The following DNAH2 variants were observed in gnomAD, a reference collection of about 807,000 sequenced individuals.
The protein encoded by DNAH2 is axonemal beta dynein heavy chain 2.
In DNAH2, 323 loss-of-function variants were observed where a neutral mutation model predicts 523.5. The ratio of observed to expected loss-of-function variants is 0.62; its 90% confidence interval spans 0.56 to 0.68. The LOEUF (loss-of-function observed/expected upper bound fraction) is 0.68. DNAH2 is among the 30% of genes least tolerant of loss of function. The pLI is 0.00. For missense variants in DNAH2, 4,907 were observed against 5,701.5 expected, an observed-to-expected ratio of 0.86 and a Z score of 4.49; for synonymous variants, 2,093 against 2,177.4, an observed-to-expected ratio of 0.96 and a Z score of 1.08.
chr17:7,824,079 C>T (rs767212182), intron 75 of DNAH2, 42 bp from the exon 76 acceptor site: 1 of 1,569,550 alleles, frequency 6.4e-7, no homozygotes, highest in Non-Finnish European at 8.6e-7. Flanking sequence ...CCACTTTGGT[C>T]ATGTGGCCTT....
chr17:7,734,342 GA>G (rs1555537570), intron 6 of DNAH2, 49 bp downstream of exon 6: 4 of 1,605,786 alleles, frequency 2.5e-6, no homozygotes, highest in Non-Finnish European at 3.4e-6. Flanking sequence ...AGGGGAGAGG[GA>G]AAGGGGAGGC....
chr17:7,790,371 C>T (rs1433334275), intron 44 of DNAH2, among the ~76,000 whole-genome samples: 4 of 151,710 alleles, frequency 2.6e-5, no homozygotes, highest in Admixed American at 6.6e-5. Context: ...CGCAGGCGTG[C>T]GCCATCACAC....
Position 7,801,728 on chromosome 17 carries a change from A to G in DNAH2, c.8832+18A>G. ...AGGAGAATGTGAGCCCCTCCTCCCC[A>G]CCTCTCATTGCATCCCTGGCCTCCC... On this transcript the variant is annotated intron_variant, in intron 57 of 85. Transcript: ENST00000572933. The G allele has an allele frequency of 1.2e-6, 2 of 1,611,228 alleles. No homozygotes were observed. The highest frequency in any genetic ancestry group is 1.7e-6 in the Non-Finnish European group (2 of 1,179,016).
At position 7,733,475 on chromosome 17, in the gene DNAH2, CT is replaced by C. The variant is rs1199721840; in HGVS notation, c.628+180del. 6.3e-3 allele frequency among the ~76,000 whole-genome samples: 720 copies of C among 113,858 alleles called. 2 individuals carry two copies. The highest frequency in any genetic ancestry group is 0.014 in the African/African-American group (442 of 30,912). 74.7% of individuals were successfully genotyped at this position (113,858 alleles called of 152,430 possible). On this transcript the variant is annotated intron_variant, in intron 5 of 85. Transcript: ENST00000572933. ...AGGGTACAAGATCCGCCTTCTTCTT[CT>C]TTTTTTTTTTTTTTTTTTTGAGATG...
At position 7,754,887 on chromosome 17, in the gene DNAH2, C is replaced by G; in HGVS notation, c.1905-2204C>G. ...GTCTGCCAACGTGAGGACAGAAGGA[C>G]AGGTGCCACCCACCCCGGGCTGCCG... On this transcript the variant is annotated intron_variant, in intron 12 of 85. Transcript: ENST00000572933. The surrounding 1 kb of genome is among the most constrained non-coding windows in gnomAD (Gnocchi z 4.6). 1 of 598,814 alleles carries G rather than the reference C, an allele frequency of 1.7e-6. No individual in the cohort carries two copies. Among genetic ancestry groups the G allele is most frequent in the Non-Finnish European group, 3.0e-6 (1 of 336,092 alleles). The allele number at this position is 598,814 out of a possible 1,614,324, so 37.1% of individuals were successfully genotyped here.
In DNAH2 at chr17:7,736,965, A is replaced by G; in HGVS notation, c.979-102A>G. 2.7e-6 allele frequency: 3 copies of G among 1,110,750 alleles called. No individual in the cohort carries two copies. The South Asian group carries it at 4.9e-5, about 18-fold the overall frequency. The allele number at this position is 1,110,750 out of a possible 1,614,324, so 68.8% of individuals were successfully genotyped here. On this transcript the variant is annotated intron_variant, in intron 7 of 85. Coordinates refer to ENST00000572933, the MANE Select transcript of DNAH2 (RefSeq NM_020877.5). ...CCATTGCACTCCAGCCCGGGTGACA[A>G]GAGTAAAACTCCATCTAAAATAAAT...
Position 7,792,735 on chromosome 17 carries a change from C to A in DNAH2, c.7224C>A (p.Asn2408Lys). 1.2e-6 allele frequency: 2 copies of A among 1,614,184 alleles called. No individual in the cohort carries two copies. The highest frequency in any genetic ancestry group is 2.2e-5 in the South Asian group (2 of 91,080). The change falls in exon 47 of 86, where the codon AAC (asparagine) becomes AAA (lysine). Residue 2408 changes from asparagine (N) to lysine (K), a missense_variant. Physicochemically the swap from Asn to Lys is moderately conservative, Grantham distance 94 (BLOSUM62 0). Around this residue, in one of 3 missense-constraint regions of DNAH2, gnomAD observed 2,806 missense variants for 3,190.8 expected, o/e 0.88. Transcript: ENST00000572933. ...YNYLVSSLVA[N>K]QNPILLVGPV... Reference sequence around the variant, plus strand: ...ACCTGGTGAGCAGCTTGGTGGCCAACCAGAATCCCATTCTGCTGGTGGGTC... The same window carrying A: ...ACCTGGTGAGCAGCTTGGTGGCCAAACAGAATCCCATTCTGCTGGTGGGTC...
At chr17:7,773,236 G>A (rs558979997) in intron 28 of DNAH2, among the ~76,000 whole-genome samples, 9 of 152,258 alleles carry the variant, frequency 5.9e-5, no homozygotes, top group African/African-American at 2.2e-4. Flanking sequence ...GAAGGACATT[G>A]GCAACCCCAG....
chr17:7,749,922 G>A (rs1304225227), intron 12 of DNAH2, among the ~76,000 whole-genome samples: 7 of 152,200 alleles, frequency 4.6e-5, no homozygotes, highest in Non-Finnish European at 1.0e-4. Flanking sequence ...GCTTGAACCC[G>A]GGAGGCAGAG....
intron 3 of DNAH2, among the ~76,000 whole-genome samples, chr17:7,725,176 G>A (rs2074756945): frequency 6.6e-6 from 1 of 151,596 alleles, no homozygotes; most frequent in Non-Finnish European, 1.5e-5. Context: ...TGCAATCTCC[G>A]CCTCCCAGGC....
chr17:7,792,721 A>G lies in DNAH2; in HGVS notation c.7210A>G (p.Ser2404Gly). The G allele has an allele frequency of 1.2e-6, 2 of 1,614,156 alleles. No individual in the cohort carries two copies. Among genetic ancestry groups the G allele is most frequent in the Admixed American group, 3.3e-5 (2 of 60,020 alleles). Reference protein sequence around the residue: ...DTVRYNYLVSSLVANQNPILL... With the variant: ...DTVRYNYLVSGLVANQNPILL... ...TGTTCGCTACAACTACCTGGTGAGC[A>G]GCTTGGTGGCCAACCAGAATCCCAT... is the stretch of plus-strand genomic sequence containing the variant. The change falls in exon 47 of 86, where the codon AGC becomes GGC. Residue 2404 changes from serine (S) to glycine (G), a missense_variant. Physicochemically the swap from Ser to Gly is moderately conservative, Grantham distance 56. This residue lies in a region of DNAH2 where 2,806 missense variants were observed against 3,190.8 expected (regional missense o/e 0.88). Transcript: ENST00000572933.
At chr17:7,751,155 T>G (rs925774250) in intron 12 of DNAH2, among the ~76,000 whole-genome samples, 4 of 147,936 alleles carry the variant, frequency 2.7e-5, no homozygotes, top group Non-Finnish European at 4.5e-5. Flanking sequence ...TTATTCATTT[T>G]TTTTTTGAGG....
At position 7,737,836 on chromosome 17, in the gene DNAH2, T is replaced by C. The variant is rs8065137; in HGVS notation, c.1170+578T>C. 3.2e-5 allele frequency: 20 copies of C among 634,556 alleles called. No individual in the cohort carries two copies. The African/African-American group carries it at 3.6e-4, about 12-fold the overall frequency. The allele number at this position is 634,556 out of a possible 1,614,324, so 39.3% of individuals were successfully genotyped here. On this transcript the variant is annotated intron_variant, in intron 8 of 85. Transcript: ENST00000572933. ...CTGGCCAGGGGTGGAGAACCAGGGG[T>C]GGGATGAGTTTCAGGAGTCAAATTA...
chr17:7,833,635 C>T lies in DNAH2; in HGVS notation c.*102C>T. On this transcript the variant is annotated 3_prime_UTR_variant, in exon 86 of 86. Coordinates refer to ENST00000572933, the MANE Select transcript of DNAH2 (RefSeq NM_020877.5). ...AGGCCGGACCTCACTCAGACTTTGA[C>T]CTTGGCCGAATTTGTGTGATGTGGC... 6.5e-7 allele frequency: 1 copy of T among 1,528,824 alleles called. No individual in the cohort carries two copies. Among genetic ancestry groups the T allele is most frequent in the Non-Finnish European group, 8.9e-7 (1 of 1,125,242 alleles). 94.7% of individuals were successfully genotyped at this position (1,528,824 alleles called of 1,614,324 possible).
At chr17:7,825,563 G>C (rs2077995818) in intron 77 of DNAH2, among the ~76,000 whole-genome samples, 1 of 152,106 alleles carries the variant, frequency 6.6e-6, no homozygotes, top group African/African-American at 2.4e-5. Flanking sequence ...TATTACTTCG[G>C]TGTTTCTTTT....
At chr17:7,812,844 G>A (rs1386870597) in intron 63 of DNAH2, among the ~76,000 whole-genome samples, 1 of 149,692 alleles carries the variant, frequency 6.7e-6, no homozygotes, top group Non-Finnish European at 1.5e-5. Flanking sequence ...TAGGGAGGCT[G>A]AGGCAGGAGA....
At chr17:7,722,918 G>GA (rs2074662061) in intron 2 of DNAH2, among the ~76,000 whole-genome samples, 1 of 151,120 alleles carries the variant, frequency 6.6e-6, no homozygotes, top group South Asian at 2.1e-4. Context: ...GGGTCATTGG[G>GA]TGGCTGTGTT....
In DNAH2 at chr17:7,832,914, G is replaced by C; in HGVS notation, c.12964G>C (p.Val4322Leu). Residue 4322 changes from valine to leucine, a missense_variant, in exon 84 of 86, where the codon GTG becomes CTG. Transcript: ENST00000572933. This position sits in a 1 kb window ranked among gnomAD's most constrained non-coding sequence, Gnocchi z 4.3. ...IVSTVDDSNL[V>L]YPPKDGVWVR... is the part of the protein sequence containing the mutation. Reference sequence around the variant, plus strand: ...TTCCACTGTGGATGACAGCAACCTAGTGTATCCCCCCAAGGTGGGAGCCAG... The same window carrying C: ...TTCCACTGTGGATGACAGCAACCTACTGTATCCCCCCAAGGTGGGAGCCAG... 3 of 1,614,218 alleles carry C rather than the reference G, an allele frequency of 1.9e-6. No individual in the cohort carries two copies. The highest frequency in any genetic ancestry group is 2.2e-5 in the South Asian group (2 of 91,088).
At chr17:7,808,404 T>A (rs1000225577) in intron 63 of DNAH2, among the ~76,000 whole-genome samples, 7 of 151,020 alleles carry the variant, frequency 4.6e-5, no homozygotes, top group African/African-American at 1.5e-4. Context: ...CATAAGTGAC[T>A]CCTGAACCAG....
Sources: gnomAD v4.1 joint callset for allele counts (sites outside exome capture counted in the v4.1 genomes callset) on GRCh38, gnomAD v4.1.1 for gene constraint, gnomAD v4.1.1 regional missense constraint, Gnocchi (gnomAD v3.1) non-coding constraint, MANE v1.5 for transcripts, NCBI Gene and HGNC (gene_info 2026-07-23, HGNC 2026-07-21) for gene names.